The following ANKRD42 variants were observed in gnomAD, a reference collection of about 807,000 sequenced individuals.
ANKRD42 encodes the protein ankyrin repeat domain 42.
A neutral mutation model predicts 51.5 loss-of-function variants in ANKRD42; 43 were observed. The observed-to-expected ratio is 0.83, with a 90% CI of 0.65 to 1.08. The LOEUF is 1.08. Among genes scored for constraint, ANKRD42 ranks in the 50% least tolerant of loss-of-function variants. ANKRD42 has a pLI of 0.00. For missense variants in ANKRD42, 608 were observed against 629.3 expected (o/e 0.97, Z 0.36); for synonymous variants, 203 against 213.0 (o/e 0.95, Z 0.41).
In ANKRD42 at chr11:83,205,312, T is replaced by A. The variant is rs190330582; in HGVS notation, c.223-746T>A. On this transcript the variant is annotated intron_variant, in intron 2 of 10. Coordinates refer to ENST00000533342, the MANE Select transcript of ANKRD42 (RefSeq NM_001300975.2). ...GATTATTATTGAGATTGAGGTTTTT[T>A]AATATTTTATTGTCATTAGTCTCTG... Among the ~76,000 whole-genome samples, 30 of 152,348 alleles carry A rather than the reference T, an allele frequency of 2.0e-4. No individual in the cohort carries two copies. The East Asian group carries it at 4.4e-3, about 22-fold the overall frequency.
At chr11:83,262,029 G>C, downstream of ANKRD42, 2 of 1,141,878 alleles carry the variant, frequency 1.8e-6, no homozygotes, top group Admixed American at 4.5e-5. Context: ...GAGATAAAGA[G>C]AATAATGTTA....
chr11:83,222,348 A>G, intron 5 of ANKRD42, among the ~76,000 whole-genome samples: 1 of 152,222 alleles, frequency 6.6e-6, no homozygotes, highest in South Asian at 2.1e-4. Context: ...GGTGCTGGAG[A>G]TATTACAGCA....
intron 1 of ANKRD42, among the ~76,000 whole-genome samples, chr11:83,194,930 C>T (rs75369920): frequency 0.021 from 3,193 of 152,250 alleles, 87 homozygotes; most frequent in African/African-American, 0.071. Flanking sequence ...TTTTTTCCAT[C>T]CACACTATTC....
downstream of ANKRD42, among the ~76,000 whole-genome samples, chr11:83,252,731 G>A (rs1863696459): frequency 1.3e-5 from 2 of 152,060 alleles, no homozygotes; most frequent in South Asian, 4.1e-4. Context: ...CATGGTCACA[G>A]GGGTGTGTTC....
chr11:83,209,331 A>G, intron 3 of ANKRD42: 1 of 955,252 alleles, frequency 1.0e-6, no homozygotes, highest in Non-Finnish European at 1.7e-6. Context: ...AGTGGGTGGG[A>G]GTGCGTGCTG....
intron 5 of ANKRD42, among the ~76,000 whole-genome samples, chr11:83,220,693 T>C (rs1395368873): frequency 6.6e-6 from 1 of 152,214 alleles, no homozygotes; most frequent in African/African-American, 2.4e-5. Context: ...TTCAGCACTT[T>C]GAAAATGTCT....
Position 83,213,104 on chromosome 11 carries a change from A to G in ANKRD42, c.586+1674A>G, listed in dbSNP as rs1301851564. 8 of 1,601,298 alleles carry G rather than the reference A, an allele frequency of 5.0e-6. No individual in the cohort carries two copies. The African/African-American group carries it at 8.0e-5, about 16-fold the overall frequency. ...TGACTGATATGTCAAAATTAAGTGT[A>G]ACTGGCAGAAACCCAGAGGTATTGA... On this transcript the variant is annotated intron_variant, in intron 5 of 10. Transcript: ENST00000533342.
chr11:83,247,810 A>G (rs1445533533), intron 10 of ANKRD42, 133 bp from the exon 11 acceptor site: 1 of 835,768 alleles, frequency 1.2e-6, no homozygotes, highest in African/African-American at 1.7e-5. Flanking sequence ...GTAGACCCTT[A>G]ATACATATTT....
Position 83,227,743 on chromosome 11 carries a change from A to G in ANKRD42, c.788-4A>G, listed in dbSNP as rs77990513. The G allele has an allele frequency of 1.9e-3, 3,113 of 1,602,864 alleles. 48 individuals are homozygous for G. In the African/African-American group the frequency reaches 0.035, roughly 18 times the overall value. Reference sequence around the variant, plus strand: ...ATTGAAATGCTGAATTTTTTTATTCATAGCTTTAGCATTTCCAGGTCATGT... The same window carrying G: ...ATTGAAATGCTGAATTTTTTTATTCGTAGCTTTAGCATTTCCAGGTCATGT... On this transcript the variant is annotated splice_region_variant and splice_polypyrimidine_tract_variant and intron_variant, in intron 6 of 10. Transcript: ENST00000533342.
At chr11:83,207,547 T>C (rs951614291) in intron 3 of ANKRD42, among the ~76,000 whole-genome samples, 83 of 152,158 alleles carry the variant, frequency 5.5e-4, no homozygotes, top group African/African-American at 1.8e-3. Context: ...AGGTAAGTAA[T>C]GAGGAAGTAT....
chr11:83,214,941 A>G (rs976595406), intron 5 of ANKRD42: 2 of 152,198 alleles, frequency 1.3e-5, no homozygotes, highest in African/African-American at 4.8e-5. Flanking sequence ...TCATGAGACC[A>G]GCGTATTTTA....
In ANKRD42 at chr11:83,240,940, T is replaced by C; in HGVS notation, c.1195+6T>C. 6.2e-7 allele frequency: 1 copy of C among 1,608,098 alleles called. No homozygotes were observed. The highest frequency in any genetic ancestry group is 8.5e-7 in the Non-Finnish European group (1 of 1,177,026). On this transcript the variant is annotated splice_donor_region_variant and intron_variant, in intron 9 of 10. Coordinates refer to ENST00000533342, the MANE Select transcript of ANKRD42 (RefSeq NM_001300975.2). Reference sequence around the variant, plus strand: ...GGATAAAACAGATGCCAGAAGTAAGTATGCTGCCTCTGTTGTGATTTATCC... The same window carrying C: ...GGATAAAACAGATGCCAGAAGTAAGCATGCTGCCTCTGTTGTGATTTATCC...
chr11:83,201,643 T>G (rs555939433), intron 2 of ANKRD42, among the ~76,000 whole-genome samples: 1 of 152,368 alleles, frequency 6.6e-6, no homozygotes, highest in South Asian at 2.1e-4. Context: ...TTCCTATTTC[T>G]CCACATCCTC....
intron 5 of ANKRD42, chr11:83,213,299 A>C: frequency 6.3e-7 from 1 of 1,591,612 alleles, no homozygotes; most frequent in Non-Finnish European, 8.5e-7. Flanking sequence ...CTGTGCTGAG[A>C]TGTTTCCTCC....
At chr11:83,213,636 T>G in intron 5 of ANKRD42, 1 of 914,984 alleles carries the variant, frequency 1.1e-6, no homozygotes, top group Non-Finnish European at 1.4e-6. Context: ...ACTAAAGATG[T>G]TGAACATCAT....
intron 5 of ANKRD42, among the ~76,000 whole-genome samples, chr11:83,221,664 T>C (rs1862720831): frequency 6.6e-6 from 1 of 152,212 alleles, no homozygotes; most frequent in Non-Finnish European, 1.5e-5. Context: ...CATCGGAGTG[T>C]AGCTCATTCC....
intron 7 of ANKRD42, among the ~76,000 whole-genome samples, chr11:83,235,159 C>A (rs1471404403): frequency 6.6e-6 from 1 of 152,064 alleles, no homozygotes; most frequent in Non-Finnish European, 1.5e-5. Context: ...CATAAAAGAA[C>A]TAGAGATTTC....
intron 8 of ANKRD42, among the ~76,000 whole-genome samples, chr11:83,236,846 C>T (rs1863239625): frequency 1.3e-5 from 2 of 152,200 alleles, no homozygotes; most frequent in Admixed American, 6.5e-5. Context: ...AACAGTAATT[C>T]ATGATTTGTC....
At chr11:83,247,886 AAAGT>A in intron 10 of ANKRD42, 53 bp from the exon 11 acceptor site, 3 of 1,421,284 alleles carry the variant, frequency 2.1e-6, no homozygotes, top group Non-Finnish European at 2.9e-6. Flanking sequence ...TCCACTACTA[AAAGT>A]AATTATTAGT....
Sources: allele counts gnomAD v4.1 joint callset (sites outside exome capture counted in the v4.1 genomes callset), GRCh38; gene constraint gnomAD v4.1.1; transcripts MANE v1.5; gene names NCBI Gene and HGNC (gene_info 2026-07-23, HGNC 2026-07-21).